The following LRMDA variants were observed in gnomAD, a reference collection of about 807,000 sequenced individuals.
LRMDA encodes the protein leucine rich melanocyte differentiation associated, also known as leucine-rich melanocyte differentiation-associated protein.
LRMDA carries 18 observed loss-of-function variants against 29.8 expected under a neutral mutation model. The observed-to-expected ratio is 0.60, with a 90% CI of 0.42 to 0.90. LRMDA has a LOEUF of 0.90. Ranked by LOEUF, LRMDA falls within the 40% of genes least tolerant of loss-of-function variation. The pLI is 0.00. For synonymous variants in LRMDA, 125 were observed against 109.4 expected (o/e 1.14, Z -0.89); for missense variants, 273 against 273.9 (o/e 1.00, Z 0.02).
At chr10:75,655,017 C>T (rs898584960) in intron 2 of LRMDA, among the ~76,000 whole-genome samples, 3 of 152,210 alleles carry the variant, frequency 2.0e-5, no homozygotes, top group Non-Finnish European at 2.9e-5. Context: ...CAAAACTCTT[C>T]CCCACGGAGG....
chr10:76,024,178 A>G (rs1385202174), intron 2 of LRMDA, among the ~76,000 whole-genome samples: 1 of 152,212 alleles, frequency 6.6e-6, no homozygotes, highest in African/African-American at 2.4e-5. Flanking sequence ...CACATTCCCT[A>G]TGAAAACACC....
chr10:75,507,197 C>T (rs1301678407), intron 2 of LRMDA, among the ~76,000 whole-genome samples: 1 of 151,546 alleles, frequency 6.6e-6, no homozygotes, highest in East Asian at 1.9e-4. Context: ...TCCACTCCAG[C>T]GTACAACCAA....
At chr10:76,011,550 C>T (rs1333277872) in intron 2 of LRMDA, among the ~76,000 whole-genome samples, 2 of 152,182 alleles carry the variant, frequency 1.3e-5, no homozygotes, top group Non-Finnish European at 2.9e-5. Flanking sequence ...TCACCTGCCT[C>T]TCAGGGTGAG....
intron 2 of LRMDA, among the ~76,000 whole-genome samples, chr10:75,503,112 C>CCAGG (rs1845133169): frequency 6.6e-6 from 1 of 152,042 alleles, no homozygotes; most frequent in Non-Finnish European, 1.5e-5. Flanking sequence ...AGTGCAAAAG[C>CCAGG]CAGGCAGGGA....
intron 2 of LRMDA, among the ~76,000 whole-genome samples, chr10:75,700,107 T>C (rs1223536678): frequency 1.3e-5 from 2 of 152,164 alleles, no homozygotes; most frequent in Admixed American, 6.5e-5. Context: ...AGAGAATAAA[T>C]TTCTGGTTTT....
In LRMDA at chr10:75,818,796, T is replaced by C. The variant is rs555398047; in HGVS notation, c.132-217212T>C. Among the ~76,000 whole-genome samples the C allele has an allele frequency of 1.4e-4, 21 of 152,340 alleles. No individual in the cohort carries two copies. The South Asian group carries it at 4.1e-3, about 30-fold the overall frequency. On this transcript the variant is annotated intron_variant, in intron 2 of 6. Transcript: ENST00000611255. ...GGGAGGGATCTTTTAAGATACTGGC[T>C]GCTGGCACTAGTGATGTCATGGCAA...
chr10:75,493,348 G>GGTGTGTGTGTGTGT lies in LRMDA; in HGVS notation c.131+54882_131+54895dup, dbSNP rs3220724. On this transcript the variant is annotated intron_variant, in intron 2 of 6. Transcript: ENST00000611255. ...AGAGAGCCATAGAGGGTTGAGATTGGGTGTGTGTGTGTGTGTGTGTGTGTG... is the reference window on the plus strand; with the variant it reads ...AGAGAGCCATAGAGGGTTGAGATTGGGTGTGTGTGTGTGTGTGTGTGTGTGTGTGTGTGTGTGTG... Among the ~76,000 whole-genome samples, 200 of 133,340 alleles carry GGTGTGTGTGTGTGT rather than the reference G, an allele frequency of 1.5e-3. 4 individuals are homozygous for GGTGTGTGTGTGTGT. The highest frequency in any genetic ancestry group is 3.6e-3 in the African/African-American group (126 of 34,674). The allele number at this position is 133,340 out of a possible 152,430, so 87.5% of individuals were successfully genotyped here.
chr10:76,413,944 T>G (rs1016034429), intron 6 of LRMDA, among the ~76,000 whole-genome samples: 36 of 152,306 alleles, frequency 2.4e-4, no homozygotes, highest in African/African-American at 8.4e-4. Context: ...CATAATACAA[T>G]TTTGCAAACA....
intron 2 of LRMDA, among the ~76,000 whole-genome samples, chr10:75,980,146 G>A (rs1369864667): frequency 1.3e-5 from 2 of 152,180 alleles, no homozygotes; most frequent in Non-Finnish European, 1.5e-5. Context: ...GGGATAATTC[G>A]TGATGGAGAT....
At chr10:75,585,852 G>C (rs574051814) in intron 2 of LRMDA, among the ~76,000 whole-genome samples, 1 of 151,998 alleles carries the variant, frequency 6.6e-6, no homozygotes, top group Non-Finnish European at 1.5e-5. Context: ...CTCATCCCCT[G>C]GCAACCACTA....
intron 5 of LRMDA, among the ~76,000 whole-genome samples, chr10:76,125,056 G>A (rs752680353): frequency 6.6e-6 from 1 of 152,180 alleles, no homozygotes; most frequent in Non-Finnish European, 1.5e-5. Flanking sequence ...AGAAGCTGAC[G>A]CTCAAAGGGG....
chr10:76,006,978 G>T (rs1847673826), intron 2 of LRMDA, among the ~76,000 whole-genome samples: 1 of 149,624 alleles, frequency 6.7e-6, no homozygotes, highest in Admixed American at 6.7e-5. Context: ...GCAGGATGGA[G>T]AAGGCGTGTG....
At chr10:76,000,135 A>AT (rs1157931327) in intron 2 of LRMDA, among the ~76,000 whole-genome samples, 1 of 152,106 alleles carries the variant, frequency 6.6e-6, no homozygotes, top group Non-Finnish European at 1.5e-5. Flanking sequence ...ACATTTTAGG[A>AT]TAAAAATGTT....
intron 5 of LRMDA, among the ~76,000 whole-genome samples, chr10:76,277,351 G>A (rs1443093045): frequency 6.6e-6 from 1 of 152,138 alleles, no homozygotes; most frequent in African/African-American, 2.4e-5. Flanking sequence ...CAGTATCCTT[G>A]TATTTTGTGC....
rs559534229 is a variant in LRMDA, at chr10:76,158,324, A to G, written c.516+99541A>G. Among the ~76,000 whole-genome samples, 5 of 152,220 alleles carry G rather than the reference A, an allele frequency of 3.3e-5. No homozygotes were observed. In the South Asian group the frequency reaches 1.0e-3, roughly 32 times the overall value. On this transcript the variant is annotated intron_variant, in intron 5 of 6. Transcript: ENST00000611255. ...TTTGCTTTCCTATATAAAACCTTCT[A>G]AACCAGGCCCCTTTGACCTCTCTCT...
chr10:75,829,191 C>T (rs1844296605), intron 2 of LRMDA, among the ~76,000 whole-genome samples: 1 of 152,126 alleles, frequency 6.6e-6, no homozygotes, highest in Non-Finnish European at 1.5e-5. Context: ...AGAAGAATCC[C>T]AGAGATATGA....
At chr10:76,494,285 A>G (rs560972910) in intron 6 of LRMDA, among the ~76,000 whole-genome samples, 110 of 150,262 alleles carry the variant, frequency 7.3e-4, no homozygotes, top group African/African-American at 2.5e-3. Flanking sequence ...TTAACTAAAA[A>G]TTTAGTTTTT....
intron 6 of LRMDA, among the ~76,000 whole-genome samples, chr10:76,537,309 CAT>C (rs1209439303): frequency 1.3e-5 from 2 of 152,216 alleles, no homozygotes; most frequent in African/African-American, 4.8e-5. Context: ...GACTTGAGCA[CAT>C]GTGTGCACAC....
At chr10:76,018,062 A>G (rs1371921831) in intron 2 of LRMDA, among the ~76,000 whole-genome samples, 2 of 152,206 alleles carry the variant, frequency 1.3e-5, no homozygotes, top group Non-Finnish European at 2.9e-5. Context: ...GATTTGGGCC[A>G]ATAGGATTTA....
Sources: gnomAD v4.1 joint callset for allele counts (sites outside exome capture counted in the v4.1 genomes callset) on GRCh38, gnomAD v4.1.1 for gene constraint, MANE v1.5 for transcripts, NCBI Gene and HGNC (gene_info 2026-07-23, HGNC 2026-07-21) for gene names.